Variants in GRIN3A observed in about 807,000 individuals in gnomAD.
GRIN3A encodes the protein glutamate receptor ionotropic, NMDA 3A.
GRIN3A carries 47 observed loss-of-function variants against 92.4 expected under a neutral mutation model. The ratio of observed to expected loss-of-function variants is 0.51; its 90% confidence interval spans 0.40 to 0.65. The LOEUF (loss-of-function observed/expected upper bound fraction) is 0.65. GRIN3A is among the 30% of genes least tolerant of loss of function. The probability of loss-of-function intolerance (pLI) is 0.00; values close to 1 mark genes in which losing one functional copy is unlikely to be tolerated. For synonymous variants in GRIN3A, 527 were observed against 540.6 expected (o/e 0.97, Z 0.35); for missense variants, 1,324 against 1,393.1 (o/e 0.95, Z 0.79).
At chr9:101,634,898 T>A (rs73496780) in intron 3 of GRIN3A, among the ~76,000 whole-genome samples, 2,123 of 152,288 alleles carry the variant, frequency 0.014, 47 homozygotes, top group African/African-American at 0.047. Context: ...AAAACAAGTA[T>A]GTATGTTTAC....
chr9:101,673,780 C>G lies in GRIN3A; in HGVS notation c.1305-2673G>C, dbSNP rs554433311. On this transcript the variant is annotated intron_variant, in intron 2 of 8. Coordinates refer to ENST00000361820, the MANE Select transcript of GRIN3A (RefSeq NM_133445.3). ...AACTGACAAACTCCTGGGCACTCTT[C>G]CAACTCTAGAGTTACAGGGATGAAA... is the stretch of plus-strand genomic sequence containing the variant. 2.6e-4 allele frequency among the ~76,000 whole-genome samples: 39 copies of G among 152,182 alleles called. 1 individual carries two copies. Among genetic ancestry groups the G allele is most frequent in the Admixed American group, 6.5e-4 (10 of 15,268 alleles).
rs766942150 is a variant in GRIN3A at position 101,670,130 on chromosome 9, G to A, written c.2282C>T (p.Thr761Met). 8.9e-5 allele frequency: 143 copies of A among 1,613,556 alleles called. No individual in the cohort carries two copies. Among genetic ancestry groups the A allele is most frequent in the Non-Finnish European group, 1.2e-4 (137 of 1,179,718 alleles). Residue 761 changes from threonine (T) to methionine (M), a missense_variant, in exon 3 of 9, where the codon ACG (threonine) becomes ATG (methionine). By Grantham distance (81) the Thr-to-Met change is moderately conservative. Transcript: ENST00000361820. ...IFCMFCLSTYTANLAAVMVGE... is the reference protein window; with the variant it reads ...IFCMFCLSTYMANLAAVMVGE... ...TACCATGACAGCAGCCAAGTTTGCC[G>A]TGTATGTGGAAAGGCAAAACATACA...
intron 2 of GRIN3A, among the ~76,000 whole-genome samples, chr9:101,682,988 AAAAAC>A (rs1163842238): frequency 1.3e-5 from 2 of 152,384 alleles, no homozygotes; most frequent in African/African-American, 4.8e-5. Context: ...TCTCAAAAAC[AAAAAC>A]AAAACAAAAC....
intron 1 of GRIN3A, 120 bp from the exon 2 acceptor site, chr9:101,687,320 G>A (rs1297217353): frequency 2.1e-6 from 2 of 971,836 alleles, no homozygotes; most frequent in Non-Finnish European, 3.2e-6. Context: ...CATAGTTCTG[G>A]GATAAAATTC....
chr9:101,617,118 T>G (rs1242952228), intron 5 of GRIN3A, among the ~76,000 whole-genome samples: 1 of 144,676 alleles, frequency 6.9e-6, no homozygotes, highest in Non-Finnish European at 1.5e-5. Flanking sequence ...GAGAATGGCG[T>G]GAACCCGGGA....
At chr9:101,736,395 T>A (rs1830206018) in intron 1 of GRIN3A, among the ~76,000 whole-genome samples, 1 of 152,244 alleles carries the variant, frequency 6.6e-6, no homozygotes. Context: ...TAAAGATTCA[T>A]CTCCTCATTA....
intron 3 of GRIN3A, among the ~76,000 whole-genome samples, chr9:101,645,802 T>C (rs959067524): frequency 4.0e-5 from 6 of 150,882 alleles, no homozygotes; most frequent in African/African-American, 1.5e-4. Flanking sequence ...GGTTTCAATT[T>C]GCATTTCCCT....
intron 4 of GRIN3A, among the ~76,000 whole-genome samples, chr9:101,623,791 T>C (rs1480119999): frequency 6.6e-6 from 1 of 152,230 alleles, no homozygotes; most frequent in African/African-American, 2.4e-5. Context: ...AGGCATTGCA[T>C]TCATTGTTCT....
intron 1 of GRIN3A, among the ~76,000 whole-genome samples, chr9:101,717,431 T>A (rs909512545): frequency 7.2e-5 from 11 of 152,170 alleles, no homozygotes; most frequent in African/African-American, 2.7e-4. Flanking sequence ...CATTTTGAAA[T>A]TATCTGGGTG....
At chr9:101,713,773 G>A (rs560265785) in intron 1 of GRIN3A, among the ~76,000 whole-genome samples, 18 of 152,032 alleles carry the variant, frequency 1.2e-4, no homozygotes, top group Admixed American at 3.3e-4. Context: ...AATTCTTCCC[G>A]CCAATTAAAA....
intron 3 of GRIN3A, among the ~76,000 whole-genome samples, chr9:101,652,968 CGTTTGAGCTAAAATTTTCCATG>C (rs1829033711): frequency 6.6e-6 from 1 of 151,712 alleles, no homozygotes; most frequent in Non-Finnish European, 1.5e-5. Flanking sequence ...GAAGAATTTT[CGTTTGAGCTAAAATTTTCCATG>C]GTTTGACTCA....
At chr9:101,624,519 C>T (rs1828603847) in intron 4 of GRIN3A, among the ~76,000 whole-genome samples, 1 of 152,008 alleles carries the variant, frequency 6.6e-6, no homozygotes, top group Admixed American at 6.6e-5. Context: ...ATGATGATTT[C>T]CAATTTCATC....
intron 3 of GRIN3A, among the ~76,000 whole-genome samples, chr9:101,666,489 G>A (rs1272636852): frequency 1.3e-5 from 2 of 151,924 alleles, no homozygotes; most frequent in African/African-American, 4.8e-5. Context: ...GGGCCTATAG[G>A]AGGGTAGAGG....
chr9:101,632,451 G>T (rs1828727901), intron 3 of GRIN3A, among the ~76,000 whole-genome samples: 1 of 151,476 alleles, frequency 6.6e-6, no homozygotes, highest in African/African-American at 2.4e-5. Context: ...ACAGGGCTTA[G>T]CACATAGTAT....
chr9:101,583,726 C>A (rs1217799014), intron 6 of GRIN3A, among the ~76,000 whole-genome samples: 2 of 152,108 alleles, frequency 1.3e-5, no homozygotes, highest in Non-Finnish European at 2.9e-5. Flanking sequence ...TGCAAACAAA[C>A]ATATGTTTTG....
chr9:101,673,850 A>C (rs2118957068), intron 2 of GRIN3A, among the ~76,000 whole-genome samples: 1 of 152,208 alleles, frequency 6.6e-6, no homozygotes, highest in South Asian at 2.1e-4. Context: ...TCAAAGTCTA[A>C]TTCTGGGGAG....
intron 2 of GRIN3A, among the ~76,000 whole-genome samples, chr9:101,684,903 C>T (rs1394442996): frequency 1.3e-5 from 2 of 152,060 alleles, no homozygotes; most frequent in Non-Finnish European, 1.5e-5. Context: ...CAAAACTTTG[C>T]TTGTATTTTT....
intron 3 of GRIN3A, among the ~76,000 whole-genome samples, chr9:101,640,110 C>A: frequency 6.6e-6 from 1 of 152,268 alleles, no homozygotes; most frequent in African/African-American, 2.4e-5. Context: ...CCTCCCTTCT[C>A]CCCCGCCTCC....
At position 101,686,532 on chromosome 9, in the gene GRIN3A, A is replaced by G. The variant is rs948330408; in HGVS notation, c.1304+64T>C. On this transcript the variant is annotated intron_variant, in intron 2 of 8. Coordinates refer to ENST00000361820, the MANE Select transcript of GRIN3A (RefSeq NM_133445.3). Reference sequence around the variant, plus strand: ...CAAGATTTCTGCAAAGCGGACAGATAGGGGAATTTTACTCTCTGTCATGGC... The same window carrying G: ...CAAGATTTCTGCAAAGCGGACAGATGGGGGAATTTTACTCTCTGTCATGGC... 6.4e-6 allele frequency: 10 copies of G among 1,570,806 alleles called. No homozygotes were observed. In the African/African-American group the frequency reaches 1.1e-4, roughly 17 times the overall value.
Sources: gnomAD v4.1 joint callset for allele counts (sites outside exome capture counted in the v4.1 genomes callset) on GRCh38, gnomAD v4.1.1 for gene constraint, MANE v1.5 for transcripts, NCBI Gene and HGNC (gene_info 2026-07-23, HGNC 2026-07-21) for gene names.